The following HMGB1 variants were observed in gnomAD, a reference collection of about 807,000 sequenced individuals.
HMGB1 encodes high mobility group box 1, also known as high mobility group protein B1.
For synonymous variants in HMGB1, 81 were observed against 84.0 expected (o/e 0.96, Z 0.19); for missense variants, 79 against 253.5 (o/e 0.31, Z 4.67).
At chr13:30,493,478 G>A (rs1160411696) in intron 1 of HMGB1, among the ~76,000 whole-genome samples, 1 of 152,170 alleles carries the variant, frequency 6.6e-6, no homozygotes, top group Non-Finnish European at 1.5e-5. Context: ...TCTGAACCTT[G>A]GTTGTGGTGG....
At chr13:30,511,954 C>T (rs1030957111) in intron 1 of HMGB1, among the ~76,000 whole-genome samples, 1 of 152,116 alleles carries the variant, frequency 6.6e-6, no homozygotes, top group Non-Finnish European at 1.5e-5. Context: ...GTGGGGGCGA[C>T]TGTGGCCTAC....
chr13:30,555,665 A>T (rs1869655865), intron 1 of HMGB1, among the ~76,000 whole-genome samples: 1 of 152,210 alleles, frequency 6.6e-6, no homozygotes, highest in African/African-American at 2.4e-5. Flanking sequence ...CAAAAAGACA[A>T]ACCGCATTTC....
chr13:30,595,812 G>A lies in HMGB1; in HGVS notation c.-15+20859C>T, dbSNP rs1262668044. On this transcript the variant is annotated intron_variant, in intron 1 of 4. Coordinates refer to the HMGB1 transcript ENST00000405805. ...GACCTCTCCACAGGGCTGCTGGAATGTCCTCATGACCTTCCCCATAGTGAG... is the reference window on the plus strand; with the variant it reads ...GACCTCTCCACAGGGCTGCTGGAATATCCTCATGACCTTCCCCATAGTGAG... Among the ~76,000 whole-genome samples the A allele has an allele frequency of 2.0e-5, 3 of 152,228 alleles. No individual in the cohort carries two copies. The East Asian group carries it at 5.8e-4, about 29-fold the overall frequency.
At chr13:30,555,166 G>C (rs368535866) in intron 1 of HMGB1, among the ~76,000 whole-genome samples, 103 of 147,550 alleles carry the variant, frequency 7.0e-4, no homozygotes, top group South Asian at 2.2e-4. Context: ...CTCAGCCTCC[G>C]GAGTAGCTGG....
intron 1 of HMGB1, among the ~76,000 whole-genome samples, chr13:30,614,513 T>C (rs962867306): frequency 6.6e-6 from 1 of 152,224 alleles, no homozygotes; most frequent in Non-Finnish European, 1.5e-5. Context: ...AGATGCTAGA[T>C]ATTCCAATAT....
chr13:30,591,727 C>A (rs1871381416), intron 1 of HMGB1, among the ~76,000 whole-genome samples: 1 of 152,054 alleles, frequency 6.6e-6, no homozygotes, highest in Admixed American at 6.6e-5. Context: ...GTCTTTAACT[C>A]CTGGGCTCAA....
chr13:30,498,551 C>G (rs866442013), intron 1 of HMGB1, among the ~76,000 whole-genome samples: 4 of 151,982 alleles, frequency 2.6e-5, no homozygotes, highest in Non-Finnish European at 5.9e-5. Context: ...CACCACCCCA[C>G]GTCTAGCTAT....
At chr13:30,538,719 T>C (rs1868694447) in intron 1 of HMGB1, among the ~76,000 whole-genome samples, 1 of 106,262 alleles carries the variant, frequency 9.4e-6, no homozygotes, top group Non-Finnish European at 1.9e-5. Context: ...TTCTTTCTTC[T>C]TTTTCTTTCT....
chr13:30,509,764 TG>T (rs1218937538), intron 1 of HMGB1, among the ~76,000 whole-genome samples: 1 of 152,218 alleles, frequency 6.6e-6, no homozygotes, highest in Non-Finnish European at 1.5e-5. Flanking sequence ...AATGCACTGC[TG>T]TATTCAAGGT....
chr13:30,586,365 C>T (rs1871146111), intron 1 of HMGB1, among the ~76,000 whole-genome samples: 2 of 151,428 alleles, frequency 1.3e-5, no homozygotes. Flanking sequence ...AGAACATTAA[C>T]AAAGACTGAA....
chr13:30,545,426 C>A (rs1869108511), intron 1 of HMGB1, among the ~76,000 whole-genome samples: 1 of 150,920 alleles, frequency 6.6e-6, no homozygotes, highest in Non-Finnish European at 1.5e-5. Context: ...ATAAATCTGG[C>A]AGCATAGTTT....
chr13:30,544,701 A>G (rs1053032069), intron 1 of HMGB1, among the ~76,000 whole-genome samples: 3 of 152,252 alleles, frequency 2.0e-5, no homozygotes, highest in Non-Finnish European at 4.4e-5. Context: ...ATAGGTCAAC[A>G]TAAGTAAAAT....
intron 1 of HMGB1, among the ~76,000 whole-genome samples, chr13:30,499,428 G>A (rs561870105): frequency 1.3e-5 from 2 of 152,258 alleles, no homozygotes; most frequent in Admixed American, 6.5e-5. Context: ...AAAGTCTCTC[G>A]ATCATTACTT....
intron 1 of HMGB1, among the ~76,000 whole-genome samples, chr13:30,503,647 CTTTTTTTTTTT>C (rs10590461): frequency 1.2e-4 from 13 of 106,438 alleles, no homozygotes; most frequent in African/African-American, 2.1e-4. Context: ...TACTCAGCTT[CTTTTTTTTTTT>C]TTTTTTTTTT....
intron 1 of HMGB1, among the ~76,000 whole-genome samples, chr13:30,508,601 T>C (rs1464589630): frequency 1.3e-5 from 2 of 152,194 alleles, no homozygotes; most frequent in Non-Finnish European, 2.9e-5. Context: ...TTGTACTCAG[T>C]TAAAACAGTG....
chr13:30,465,229 C>T (rs1282521677), intron 1 of HMGB1: 24 of 421,132 alleles, frequency 5.7e-5, no homozygotes, highest in African/African-American at 4.3e-4. Context: ...CGAGGCCGGC[C>T]GGGCCCGCAC....
At chr13:30,556,207 C>T (rs1218486020) in intron 1 of HMGB1, among the ~76,000 whole-genome samples, 3 of 152,288 alleles carry the variant, frequency 2.0e-5, no homozygotes, top group South Asian at 2.1e-4. Context: ...GAGTTTGAGA[C>T]CAGCCTGACC....
chr13:30,548,775 T>C (rs1484856999), intron 1 of HMGB1, among the ~76,000 whole-genome samples: 2 of 152,194 alleles, frequency 1.3e-5, no homozygotes, highest in African/African-American at 4.8e-5. Flanking sequence ...ATCAGGTGCC[T>C]GCAGAGCTTT....
chr13:30,579,627 C>G (rs1593323979), intron 1 of HMGB1, among the ~76,000 whole-genome samples: 1 of 152,086 alleles, frequency 6.6e-6, no homozygotes, highest in East Asian at 1.9e-4. Context: ...TTTTAGTTTC[C>G]TCACTAAAGT....
Sources: allele counts gnomAD v4.1 joint callset (sites outside exome capture counted in the v4.1 genomes callset), GRCh38; gene constraint gnomAD v4.1.1; transcripts MANE v1.5; gene names NCBI Gene and HGNC (gene_info 2026-07-23, HGNC 2026-07-21).